SLC43A2: variants seen among roughly 807,000 people sequenced by gnomAD.
The protein encoded by SLC43A2 is solute carrier family 43 member 2, also known as large neutral amino acids transporter small subunit 4.
SLC43A2 carries 38 observed loss-of-function variants against 63.2 expected under a neutral mutation model. The ratio of observed to expected loss-of-function variants is 0.60; its 90% CI spans 0.46 to 0.79. The LOEUF is 0.79. Ranked by LOEUF, SLC43A2 falls within the 30% of genes least tolerant of loss-of-function variation. The pLI is 0.00. For missense variants in SLC43A2, 644 were observed against 756.2 expected, an observed-to-expected ratio of 0.85 and a Z score of 1.74; for synonymous variants, 322 against 331.0, an observed-to-expected ratio of 0.97 and a Z score of 0.30.
rs1159172895 is a variant in SLC43A2 at position 1,576,271 on chromosome 17, ACC to A, written c.1548+324_1548+325del. Among the ~76,000 whole-genome samples the A allele has an allele frequency of 7.3e-5, 11 of 151,684 alleles. No individual in the cohort carries two copies. The South Asian group carries it at 1.5e-3, about 20-fold the overall frequency. On this transcript the variant is annotated intron_variant, in intron 13 of 13. Transcript: ENST00000301335. ...GCTAATTTTTGTATTTTTAGTAGAG[ACC>A]TGGTTTCACCATGTTGGCCAGGCTG...
In SLC43A2 at chr17:1,605,625, G is replaced by T. The variant is rs553862260; in HGVS notation, c.501+7570C>A. 6.8e-6 allele frequency among the ~76,000 whole-genome samples: 1 copy of T among 147,936 alleles called. No individual in the cohort carries two copies. Among genetic ancestry groups the T allele is most frequent in the Non-Finnish European group, 1.5e-5 (1 of 66,826 alleles). ...TGGGGGCTGGGGAGCTGGGTGGTGGGTGGGGGCTGGCATTCTGGCCCTCGG... is the reference window on the plus strand; with the variant it reads ...TGGGGGCTGGGGAGCTGGGTGGTGGTTGGGGGCTGGCATTCTGGCCCTCGG... On this transcript the variant is annotated intron_variant, in intron 5 of 13. Coordinates refer to ENST00000301335, the MANE Select transcript of SLC43A2 (RefSeq NM_152346.3). This position sits in a 1 kb window ranked among gnomAD's most constrained non-coding sequence, Gnocchi z 4.9.
intron 4 of SLC43A2, 135 bp downstream of exon 4, chr17:1,614,844 C>T (rs921122628): frequency 1.3e-5 from 11 of 823,700 alleles, no homozygotes; most frequent in African/African-American, 6.8e-5. Flanking sequence ...TGAGTAGAGG[C>T]GTAACAGGTG....
Position 1,627,729 on chromosome 17 carries a change from A to G in SLC43A2, c.146T>C (p.Leu49Pro). Residue 49 changes from leucine to proline, a missense_variant, in exon 2 of 14, where the codon CTG becomes CCG. Leu to Pro is a moderately conservative substitution (Grantham distance 98, BLOSUM62 -3). This residue lies in a region of SLC43A2 where 528 missense variants were observed against 623.6 expected (regional missense o/e 0.85). Coordinates refer to ENST00000301335, the MANE Select transcript of SLC43A2 (RefSeq NM_152346.3). ...MLKSEGFYSY[L>P]CTEPENVTNG... ...GCTTGTCTCACCTGGCTCGGTACAC[A>G]GGTAGGAGTAAAAGCCCTCTGACTT... 1 of 1,470,860 alleles carries G rather than the reference A, an allele frequency of 6.8e-7. No homozygotes were observed. The allele number at this position is 1,470,860 out of a possible 1,614,324, so 91.1% of individuals were successfully genotyped here.
chr17:1,604,567 CTCA>C (rs1489579383), intron 5 of SLC43A2: 1 of 682,128 alleles, frequency 1.5e-6, no homozygotes, highest in East Asian at 2.8e-5. Context: ...GTGTAGACAT[CTCA>C]TCAACACAGC....
In SLC43A2 at chr17:1,578,604, T is replaced by A; in HGVS notation, c.1351-281A>T. ...GTGCAGTGGCGTGATCTTGGCTCAC[T>A]GCAAGCTTCGCCTCCTGGATTCAAG... On this transcript the variant is annotated intron_variant, in intron 11 of 13. Coordinates refer to ENST00000301335, the MANE Select transcript of SLC43A2 (RefSeq NM_152346.3). This position sits in a 1 kb window ranked among gnomAD's most constrained non-coding sequence, Gnocchi z 6.5. The A allele has an allele frequency of 2.6e-6, 1 of 380,000 alleles. No homozygotes were observed. 23.5% of individuals were successfully genotyped at this position (380,000 alleles called of 1,614,324 possible).
intron 5 of SLC43A2, chr17:1,604,981 C>G: frequency 6.9e-7 from 1 of 1,448,334 alleles, no homozygotes; most frequent in Non-Finnish European, 9.1e-7. Context: ...CTAGCGCGGG[C>G]CTCGAGGGCT....
chr17:1,613,348 C>A (rs144797297), intron 4 of SLC43A2, 77 bp from the exon 5 acceptor site: 24 of 1,344,220 alleles, frequency 1.8e-5, no homozygotes, highest in Non-Finnish European at 2.2e-5. Flanking sequence ...CAGAGTCCTG[C>A]GCGGTGCAGG....
intron 5 of SLC43A2, among the ~76,000 whole-genome samples, chr17:1,601,975 T>C (rs1017996652): frequency 8.0e-5 from 10 of 125,152 alleles, no homozygotes; most frequent in South Asian, 2.6e-4. Context: ...AAAGGCACTA[T>C]TGAGCCAGAG....
chr17:1,592,512 G>T (rs933782333), intron 6 of SLC43A2, among the ~76,000 whole-genome samples: 4 of 152,202 alleles, frequency 2.6e-5, no homozygotes, highest in African/African-American at 9.7e-5. Flanking sequence ...AGGATGGCTG[G>T]CCCCAGAGTC....
chr17:1,629,097 C>A (rs2151088086), upstream of SLC43A2, among the ~76,000 whole-genome samples: 1 of 152,238 alleles, frequency 6.6e-6, no homozygotes, highest in South Asian at 2.1e-4. Context: ...GAATCCCCGG[C>A]GACATCGCCC....
chr17:1,590,477 G>C (rs72820332), intron 9 of SLC43A2, among the ~76,000 whole-genome samples: 13,547 of 152,126 alleles, frequency 0.089, 752 homozygotes, highest in East Asian at 0.16. Context: ...GCCATGCTCA[G>C]GTGGAGCGTT....
chr17:1,613,116 G>C, intron 5 of SLC43A2, 79 bp downstream of exon 5: 2 of 1,303,596 alleles, frequency 1.5e-6, no homozygotes, highest in Admixed American at 3.9e-5. Flanking sequence ...GGAAGGCAAG[G>C]AAACAGAAAC....
At chr17:1,621,588 G>GC (rs1908163289) in intron 2 of SLC43A2, among the ~76,000 whole-genome samples, 1 of 152,218 alleles carries the variant, frequency 6.6e-6, no homozygotes, top group Admixed American at 6.5e-5. Flanking sequence ...CCAGGGCCTG[G>GC]CCCCTGAGCA....
chr17:1,616,870 C>A, intron 2 of SLC43A2, 101 bp from the exon 3 acceptor site: 1 of 1,375,314 alleles, frequency 7.3e-7, no homozygotes, highest in Non-Finnish European at 1.0e-6. Context: ...ACTGGGAATG[C>A]CAGGGCTGGC....
At chr17:1,586,928 T>TGCCCCCCCCCCCCCCCCAACCC in intron 9 of SLC43A2, 1 of 1,232,908 alleles carries the variant, frequency 8.1e-7, no homozygotes, top group Non-Finnish European at 1.1e-6. Flanking sequence ...TCCCTGACAA[T>TGCCCCCCCCCCCCCCCCAACCC]CCCCCCCACC....
At chr17:1,611,845 T>C (rs1310824004) in intron 5 of SLC43A2, among the ~76,000 whole-genome samples, 1 of 152,192 alleles carries the variant, frequency 6.6e-6, no homozygotes, top group Non-Finnish European at 1.5e-5. Flanking sequence ...CTGAAGAAGC[T>C]ATTATTCTCA....
At chr17:1,595,394 C>G (rs76201771) in intron 5 of SLC43A2, among the ~76,000 whole-genome samples, 9,415 of 152,078 alleles carry the variant, frequency 0.062, 1,046 homozygotes, top group African/African-American at 0.21. Context: ...GATCTTCCCC[C>G]CCCAGCTCCC....
At chr17:1,587,389 A>G (rs2076121438) in intron 9 of SLC43A2, among the ~76,000 whole-genome samples, 1 of 152,222 alleles carries the variant, frequency 6.6e-6, no homozygotes, top group South Asian at 2.1e-4. Flanking sequence ...GCTCAGAGAG[A>G]GGGAAAGGTC....
intron 5 of SLC43A2, among the ~76,000 whole-genome samples, chr17:1,594,591 T>TTTC (rs1491496716): frequency 0.019 from 20 of 1,072 alleles, no homozygotes; most frequent in Middle Eastern, 0.25. Context: ...TCTTTCTTTC[T>TTTC]TTTTTTTTTT....
Sources: allele counts gnomAD v4.1 joint callset (sites outside exome capture counted in the v4.1 genomes callset), GRCh38; gene constraint gnomAD v4.1.1; regional missense constraint gnomAD v4.1.1; non-coding constraint Gnocchi (gnomAD v3.1); transcripts MANE v1.5; gene names NCBI Gene and HGNC (gene_info 2026-07-23, HGNC 2026-07-21).